FER: variants seen among roughly 807,000 people sequenced by gnomAD.
The protein encoded by FER is tyrosine-protein kinase Fer.
Under a neutral mutation model 111.0 loss-of-function variants are expected in FER, and 63 were observed. That is an observed-to-expected ratio of 0.57 (90% CI 0.46 to 0.70). The LOEUF is 0.70. Ranked by LOEUF, FER falls within the 30% of genes least tolerant of loss-of-function variation. FER has a pLI of 0.00. For synonymous variants in FER, 327 were observed against 313.9 expected (o/e 1.04, Z -0.44); for missense variants, 914 against 954.0 (o/e 0.96, Z 0.55).
At position 108,852,475 on chromosome 5, in the gene FER, A is replaced by G. The variant is rs532471157; in HGVS notation, c.482-15292A>G. ...ACCAAGAATGGCAACTAGCCTTCTT[A>G]TTCAATATCTGTATATTTTGGCGAT... On this transcript the variant is annotated intron_variant, in intron 5 of 19. Transcript: ENST00000281092. 7.9e-5 allele frequency among the ~76,000 whole-genome samples: 12 copies of G among 152,278 alleles called. No homozygotes were observed. The East Asian group carries it at 2.1e-3, about 27-fold the overall frequency.
intron 1 of FER, among the ~76,000 whole-genome samples, chr5:108,752,230 T>C (rs1750587728): frequency 6.6e-6 from 1 of 152,130 alleles, no homozygotes; most frequent in Admixed American, 6.5e-5. Context: ...CCTCCTTCCC[T>C]TTTTTTACTC....
intron 10 of FER, among the ~76,000 whole-genome samples, chr5:108,919,064 A>G (rs892557158): frequency 6.6e-6 from 1 of 152,244 alleles, no homozygotes; most frequent in African/African-American, 2.4e-5. Context: ...TTGTGAAATT[A>G]TAACTCCCAC....
chr5:108,793,574 GT>G (rs1285374391), intron 2 of FER, among the ~76,000 whole-genome samples: 1 of 150,632 alleles, frequency 6.6e-6, no homozygotes, highest in Non-Finnish European at 1.5e-5. Context: ...TGGTAGCTCA[GT>G]TTTTAGTTTT....
At chr5:108,996,711 T>C (rs1327952693) in intron 13 of FER, among the ~76,000 whole-genome samples, 1 of 152,222 alleles carries the variant, frequency 6.6e-6, no homozygotes, top group African/African-American at 2.4e-5. Flanking sequence ...TCCAGCATTG[T>C]TCTTTTTTGC....
chr5:108,847,370 G>A (rs1227443918), intron 5 of FER, among the ~76,000 whole-genome samples: 6 of 151,840 alleles, frequency 4.0e-5, no homozygotes, highest in Admixed American at 3.3e-4. Context: ...TGTGGTCTGA[G>A]AATGTTTTTA....
At chr5:109,182,279 T>A (rs1174316097) in intron 18 of FER, among the ~76,000 whole-genome samples, 2 of 152,194 alleles carry the variant, frequency 1.3e-5, no homozygotes, top group African/African-American at 4.8e-5. Context: ...TGGAAGTTGA[T>A]TGGGGCTGAC....
At chr5:109,128,700 C>T (rs1231900289) in intron 17 of FER, among the ~76,000 whole-genome samples, 2 of 151,948 alleles carry the variant, frequency 1.3e-5, no homozygotes. Context: ...ATGTAGGTGT[C>T]AATGTACCTA....
intron 16 of FER, among the ~76,000 whole-genome samples, chr5:109,055,624 C>CT (rs111585255): frequency 1.4e-4 from 20 of 147,744 alleles, no homozygotes; most frequent in South Asian, 8.6e-4. Flanking sequence ...GTCTCTATGA[C>CT]TTTTTTTTTT....
rs528995741 is a variant in FER, at chr5:108,982,863, G to A, written c.1656+23516G>A. On this transcript the variant is annotated intron_variant, in intron 13 of 19. Coordinates refer to ENST00000281092, the MANE Select transcript of FER (RefSeq NM_005246.4). The stretch of plus-strand genomic sequence containing the variant: ...TTTTTTTGTAATTATGCATTTATTA[G>A]CATTTACCTACTTAAGCCTCATTTT... 3.9e-4 allele frequency among the ~76,000 whole-genome samples: 59 copies of A among 151,658 alleles called. 1 individual carries two copies. The highest frequency in any genetic ancestry group is 1.4e-3 in the African/African-American group (59 of 41,334).
At chr5:108,858,329 C>T (rs567859632) in intron 5 of FER, among the ~76,000 whole-genome samples, 13 of 152,314 alleles carry the variant, frequency 8.5e-5, no homozygotes, top group African/African-American at 3.1e-4. Context: ...GTATTGCTAA[C>T]TCATGCCTCT....
intron 10 of FER, among the ~76,000 whole-genome samples, chr5:108,945,018 T>G (rs991732391): frequency 1.3e-5 from 2 of 152,172 alleles, no homozygotes; most frequent in African/African-American, 4.8e-5. Flanking sequence ...AGAAAATGTT[T>G]TGTTTTGATA....
chr5:109,066,325 G>C (rs1263850691), intron 16 of FER, among the ~76,000 whole-genome samples: 3 of 152,068 alleles, frequency 2.0e-5, no homozygotes, highest in Non-Finnish European at 4.4e-5. Context: ...TTGTTGAATA[G>C]GATGAGAGAC....
Position 109,186,203 on chromosome 5 carries a change from G to A in FER, c.2207G>A (p.Arg736Lys), listed in dbSNP as rs1758850501. ...ATGGTTGTTGTTCCTCTTCCAGGGA[G>A]ATACAGTTCAGAGAGTGACGTGTGG... is the stretch of plus-strand genomic sequence containing the variant. ...WTAPEALNYG[R>K]YSSESDVWSF... The change falls in exon 19 of 20, where the codon AGA (arginine) becomes AAA (lysine). Residue 736 changes from arginine to lysine, a missense_variant. Physicochemically the swap from Arg to Lys is conservative, Grantham distance 26. Around this residue, in one of 3 missense-constraint regions of FER, gnomAD observed 134 missense variants for 149.4 expected, o/e 0.90. Transcript: ENST00000281092. The A allele has an allele frequency of 6.2e-7, 1 of 1,614,114 alleles. No homozygotes were observed. The highest frequency in any genetic ancestry group is 1.3e-5 in the African/African-American group (1 of 75,048).
intron 17 of FER, among the ~76,000 whole-genome samples, chr5:109,131,782 T>C (rs529523968): frequency 6.6e-6 from 1 of 152,262 alleles, no homozygotes; most frequent in South Asian, 2.1e-4. Flanking sequence ...CCATATTTGT[T>C]TTCTGATGTG....
chr5:109,146,645 A>G lies in FER; in HGVS notation c.2049-34102A>G, dbSNP rs561701041. ...GGATGAAGTACCTATAAGACATCAT[A>G]TATATCGTATAATTATGTGTGCCTC... On this transcript the variant is annotated intron_variant, in intron 17 of 19. Transcript: ENST00000281092. Among the ~76,000 whole-genome samples the G allele has an allele frequency of 5.2e-4, 79 of 152,172 alleles. 1 individual carries two copies. In the South Asian group the frequency reaches 0.016, roughly 30 times the overall value.
intron 13 of FER, among the ~76,000 whole-genome samples, chr5:108,998,814 T>C (rs1764344589): frequency 6.6e-6 from 1 of 152,212 alleles, no homozygotes; most frequent in Non-Finnish European, 1.5e-5. Context: ...CCTGACTTGA[T>C]TGTGGTGGAT....
chr5:108,943,403 C>T (rs1027869483), intron 10 of FER, among the ~76,000 whole-genome samples: 2 of 152,096 alleles, frequency 1.3e-5, no homozygotes, highest in Admixed American at 6.6e-5. Context: ...GAACCTTATT[C>T]CTTTGCCTTA....
chr5:108,941,969 G>A (rs1756336014), intron 10 of FER, among the ~76,000 whole-genome samples: 1 of 152,126 alleles, frequency 6.6e-6, no homozygotes, highest in Non-Finnish European at 1.5e-5. Context: ...TGTAACACAG[G>A]CAACACGCTG....
chr5:108,805,648 A>ACCGGAG, intron 3 of FER, among the ~76,000 whole-genome samples: 1 of 152,260 alleles, frequency 6.6e-6, no homozygotes, highest in East Asian at 1.9e-4. Context: ...CTTGTTGTGA[A>ACCGGAG]CCGGAGCACA....
Sources: allele counts gnomAD v4.1 joint callset (sites outside exome capture counted in the v4.1 genomes callset), GRCh38; gene constraint gnomAD v4.1.1; regional missense constraint gnomAD v4.1.1; transcripts MANE v1.5; gene names NCBI Gene and HGNC (gene_info 2026-07-23, HGNC 2026-07-21).